Variants in PIK3AP1 observed in about 807,000 individuals in gnomAD.
The protein encoded by PIK3AP1 is phosphoinositide 3-kinase adapter protein 1.
PIK3AP1 carries 21 observed loss-of-function variants against 88.1 expected under a neutral mutation model. That is an observed-to-expected ratio of 0.24 (90% CI 0.17 to 0.34). The LOEUF (loss-of-function observed/expected upper bound fraction) is 0.34. PIK3AP1 is among the 10% of genes least tolerant of loss of function. PIK3AP1 has a pLI of 1.00. For synonymous variants in PIK3AP1, 398 were observed against 400.0 expected, an observed-to-expected ratio of 1.00 and a Z score of 0.06; for missense variants, 828 against 1,035.7, an observed-to-expected ratio of 0.80 and a Z score of 2.75.
chr10:96,682,844 C>CT (rs1436373914), intron 2 of PIK3AP1, among the ~76,000 whole-genome samples: 1 of 152,192 alleles, frequency 6.6e-6, no homozygotes, highest in East Asian at 1.9e-4. Flanking sequence ...AAAAGAGCTG[C>CT]TTTCCTCTTC....
chr10:96,624,549 C>T (rs745319939), intron 10 of PIK3AP1, among the ~76,000 whole-genome samples: 42 of 151,926 alleles, frequency 2.8e-4, no homozygotes, highest in Non-Finnish European at 4.3e-4. Flanking sequence ...TGAAATGGTC[C>T]AGACATGGTG....
chr10:96,669,837 G>A (rs7920142), intron 2 of PIK3AP1, among the ~76,000 whole-genome samples: 43,801 of 151,644 alleles, frequency 0.29, 6,569 homozygotes, highest in African/African-American at 0.39. Flanking sequence ...CAACTTGTAC[G>A]ATGAGACTAT....
chr10:96,616,097 G>A (rs1195211073), intron 13 of PIK3AP1, among the ~76,000 whole-genome samples: 1 of 152,180 alleles, frequency 6.6e-6, no homozygotes, highest in African/African-American at 2.4e-5. Context: ...CTGGCACAGG[G>A]GTAGGCTTAA....
chr10:96,704,240 T>C (rs1409425731), intron 2 of PIK3AP1, among the ~76,000 whole-genome samples: 2 of 152,172 alleles, frequency 1.3e-5, no homozygotes, highest in African/African-American at 2.4e-5. Context: ...CTGATGGGTG[T>C]CCAGGAGCTG....
chr10:96,623,350 A>G, intron 11 of PIK3AP1, 122 bp downstream of exon 11: 1 of 980,378 alleles, frequency 1.0e-6, no homozygotes, highest in Non-Finnish European at 1.5e-6. Flanking sequence ...GGCGTGAGCC[A>G]TGATGCCTGG....
intron 14 of PIK3AP1, among the ~76,000 whole-genome samples, chr10:96,608,403 C>T (rs545899948): frequency 6.6e-4 from 101 of 152,168 alleles, no homozygotes; most frequent in Non-Finnish European, 2.1e-4. Context: ...AAATGATCAC[C>T]CCCATTATGT....
At chr10:96,654,623 G>A (rs1013962126) in intron 3 of PIK3AP1, among the ~76,000 whole-genome samples, 3 of 152,142 alleles carry the variant, frequency 2.0e-5, no homozygotes, top group South Asian at 4.1e-4. Context: ...ACCAAACCCC[G>A]GCCTGCCCCT....
intron 8 of PIK3AP1, among the ~76,000 whole-genome samples, chr10:96,633,968 T>C (rs6584093): frequency 0.49 from 74,763 of 152,034 alleles, 18,725 homozygotes; most frequent in African/African-American, 0.54. Flanking sequence ...ACTGGCTTGA[T>C]AGAGCCAGCA....
intron 7 of PIK3AP1, among the ~76,000 whole-genome samples, chr10:96,647,452 T>C (rs1347842388): frequency 6.6e-6 from 1 of 152,216 alleles, no homozygotes; most frequent in Admixed American, 6.5e-5. Context: ...ATGAACACAG[T>C]AGGTTATTAA....
intron 2 of PIK3AP1, among the ~76,000 whole-genome samples, chr10:96,674,071 T>C (rs1244761331): frequency 6.6e-6 from 1 of 152,154 alleles, no homozygotes; most frequent in African/African-American, 2.4e-5. Flanking sequence ...GGGGGTGTGA[T>C]GCTTCTTGGC....
chr10:96,714,731 C>T (rs1328717446), intron 1 of PIK3AP1, among the ~76,000 whole-genome samples: 1 of 152,156 alleles, frequency 6.6e-6, no homozygotes, highest in Admixed American at 6.5e-5. Flanking sequence ...GAACACGAGT[C>T]AACTCAAAGC....
At chr10:96,628,895 T>C (rs1463319351) in intron 8 of PIK3AP1, among the ~76,000 whole-genome samples, 337 of 29,276 alleles carry the variant, frequency 0.012, 23 homozygotes, top group Admixed American at 0.033. Context: ...TATACATATA[T>C]ATATATATAT....
chr10:96,713,644 T>A (rs1302479596), intron 1 of PIK3AP1, among the ~76,000 whole-genome samples: 1 of 152,040 alleles, frequency 6.6e-6, no homozygotes, highest in Non-Finnish European at 1.5e-5. Context: ...CTGATTGACT[T>A]AGTAGAAAAG....
chr10:96,648,619 G>C (rs377715162), intron 7 of PIK3AP1, 40 bp downstream of exon 7: 3 of 1,564,204 alleles, frequency 1.9e-6, no homozygotes, highest in Non-Finnish European at 2.6e-6. Flanking sequence ...CTACCACAGA[G>C]TGCATTTCCA....
At chr10:96,632,407 A>T (rs948685260) in intron 8 of PIK3AP1, among the ~76,000 whole-genome samples, 59 of 146,254 alleles carry the variant, frequency 4.0e-4, no homozygotes, top group Non-Finnish European at 5.9e-4. Context: ...TTTCAAAATA[A>T]TTTTTTTTTT....
intron 1 of PIK3AP1, among the ~76,000 whole-genome samples, chr10:96,716,283 T>TTAAATAAA (rs556728068): frequency 5.5e-4 from 83 of 151,956 alleles, no homozygotes; most frequent in African/African-American, 1.7e-3. Flanking sequence ...CCCTGTCTCA[T>TTAAATAAA]TAAATAAATA....
chr10:96,605,130 T>A (rs1023816315), intron 14 of PIK3AP1, among the ~76,000 whole-genome samples: 1 of 152,220 alleles, frequency 6.6e-6, no homozygotes, highest in Non-Finnish European at 1.5e-5. Flanking sequence ...AGAGCTGGGA[T>A]TACAGGTGTG....
At chr10:96,719,643 T>C (rs565133850) in intron 1 of PIK3AP1, among the ~76,000 whole-genome samples, 184 of 152,262 alleles carry the variant, frequency 1.2e-3, no homozygotes, top group African/African-American at 4.3e-3. Flanking sequence ...GTTATCATCA[T>C]TATGTGGCTT....
At chr10:96,607,154 G>A (rs1272672860) in intron 14 of PIK3AP1, among the ~76,000 whole-genome samples, 1 of 152,094 alleles carries the variant, frequency 6.6e-6, no homozygotes, top group East Asian at 1.9e-4. Flanking sequence ...TGATTCAGGG[G>A]GTTAAGGGGC....
Sources: gnomAD v4.1 joint callset for allele counts (sites outside exome capture counted in the v4.1 genomes callset) on GRCh38, gnomAD v4.1.1 for gene constraint, MANE v1.5 for transcripts, NCBI Gene and HGNC (gene_info 2026-07-23, HGNC 2026-07-21) for gene names.